Variants in PIP5K1B observed in about 807,000 individuals in gnomAD.
The protein encoded by PIP5K1B is phosphatidylinositol-4-phosphate 5-kinase type 1 beta, also known as phosphatidylinositol 4-phosphate 5-kinase type-1 beta.
PIP5K1B carries 42 observed loss-of-function variants against 67.0 expected under a neutral mutation model. That is an observed-to-expected ratio of 0.63 (90% CI 0.49 to 0.81). PIP5K1B has a LOEUF of 0.81. Ranked by LOEUF, PIP5K1B falls within the 30% of genes least tolerant of loss-of-function variation. The pLI is 0.00. For synonymous variants in PIP5K1B, 214 were observed against 231.4 expected (o/e 0.92, Z 0.68); for missense variants, 459 against 646.3 (o/e 0.71, Z 3.14).
At chr9:68,890,338 C>T (rs1289192167) in intron 7 of PIP5K1B, among the ~76,000 whole-genome samples, 1 of 152,144 alleles carries the variant, frequency 6.6e-6, no homozygotes, top group Non-Finnish European at 1.5e-5. Context: ...CATTTTCATA[C>T]CTCCAGTTTC....
intron 14 of PIP5K1B, among the ~76,000 whole-genome samples, chr9:68,962,491 T>C (rs1828805443): frequency 6.6e-6 from 1 of 152,242 alleles, no homozygotes; most frequent in African/African-American, 2.4e-5. Flanking sequence ...CCTCAAATTC[T>C]GACTGCCTCA....
intron 2 of PIP5K1B, chr9:68,780,043 G>A (rs1015351732): frequency 1.5e-6 from 2 of 1,332,098 alleles, no homozygotes; most frequent in Non-Finnish European, 9.8e-7. Flanking sequence ...CTACGCATGC[G>A]CAGAGGGGCC....
chr9:68,999,158 C>CTG (rs1243157177), intron 15 of PIP5K1B, among the ~76,000 whole-genome samples: 1 of 152,200 alleles, frequency 6.6e-6, no homozygotes, highest in Non-Finnish European at 1.5e-5. Flanking sequence ...TTCTGTGCCT[C>CTG]TGTGTGGCCT....
At chr9:69,004,337 T>TGTGTGTGTGTGTGTGTG (rs1564311765) in intron 15 of PIP5K1B, among the ~76,000 whole-genome samples, 3 of 148,266 alleles carry the variant, frequency 2.0e-5, no homozygotes, top group African/African-American at 5.0e-5. Flanking sequence ...GTGTGTGTTT[T>TGTGTGTGTGTGTGTGTG]TGTGTGTGTG....
chr9:68,946,977 T>G (rs1251768173), intron 14 of PIP5K1B, among the ~76,000 whole-genome samples: 1 of 152,222 alleles, frequency 6.6e-6, no homozygotes, highest in Non-Finnish European at 1.5e-5. Flanking sequence ...ATTTATACCT[T>G]GTGGCACATA....
At chr9:68,788,392 T>A (rs1347291508) in intron 2 of PIP5K1B, 3 of 787,768 alleles carry the variant, frequency 3.8e-6, no homozygotes, top group Non-Finnish European at 6.1e-6. Context: ...CATATCCAGA[T>A]GACCCTAAGT....
intron 6 of PIP5K1B, among the ~76,000 whole-genome samples, chr9:68,887,496 G>A (rs1261879683): frequency 6.6e-6 from 1 of 152,176 alleles, no homozygotes; most frequent in African/African-American, 2.4e-5. Context: ...GTCATTCATG[G>A]CCTTGGAAGC....
chr9:68,951,065 A>G (rs915782373), intron 14 of PIP5K1B, among the ~76,000 whole-genome samples: 8 of 152,254 alleles, frequency 5.3e-5, no homozygotes, highest in African/African-American at 1.9e-4. Flanking sequence ...GGAGGGAACT[A>G]GGAGACAATG....
intron 2 of PIP5K1B, among the ~76,000 whole-genome samples, chr9:68,809,583 G>A (rs1173268149): frequency 6.6e-6 from 1 of 152,114 alleles, no homozygotes; most frequent in Non-Finnish European, 1.5e-5. Context: ...CGGGCTACTT[G>A]CGGGCAAATT....
At chr9:68,945,635 A>G (rs1279123981) in intron 14 of PIP5K1B, among the ~76,000 whole-genome samples, 1 of 152,256 alleles carries the variant, frequency 6.6e-6, no homozygotes, top group Non-Finnish European at 1.5e-5. Flanking sequence ...TAAGCCCTTT[A>G]TACATATCAA....
chr9:68,735,651 A>G (rs148377770), intron 1 of PIP5K1B, among the ~76,000 whole-genome samples: 3 of 152,284 alleles, frequency 2.0e-5, no homozygotes, highest in Non-Finnish European at 4.4e-5. Flanking sequence ...CAGCCTCCCA[A>G]AGTGCTGGGA....
chr9:68,982,014 AAC>A (rs1397122802), intron 14 of PIP5K1B, among the ~76,000 whole-genome samples: 1 of 152,206 alleles, frequency 6.6e-6, no homozygotes, highest in African/African-American at 2.4e-5. Context: ...TGAGTAGATT[AAC>A]AGTTTCCTGT....
chr9:68,855,536 C>T (rs1822723408), intron 4 of PIP5K1B, among the ~76,000 whole-genome samples: 1 of 152,202 alleles, frequency 6.6e-6, no homozygotes, highest in South Asian at 2.1e-4. Flanking sequence ...GTTTCCTCAG[C>T]TTGGTAAAGT....
chr9:68,851,072 A>T (rs1822461474), intron 4 of PIP5K1B, among the ~76,000 whole-genome samples: 1 of 152,234 alleles, frequency 6.6e-6, no homozygotes, highest in South Asian at 2.1e-4. Flanking sequence ...TTAAGAGTAC[A>T]GTATTTTTCT....
chr9:68,720,065 A>G (rs1480425517), intron 1 of PIP5K1B, among the ~76,000 whole-genome samples: 1 of 152,232 alleles, frequency 6.6e-6, no homozygotes, highest in Non-Finnish European at 1.5e-5. Flanking sequence ...TGTTTACTAC[A>G]CTGTCTCCAG....
chr9:68,982,357 A>G (rs1829915295), intron 14 of PIP5K1B, among the ~76,000 whole-genome samples: 1 of 152,256 alleles, frequency 6.6e-6, no homozygotes, highest in Non-Finnish European at 1.5e-5. Flanking sequence ...AATGCAGTAA[A>G]AATATCAGGA....
chr9:68,888,066 C>T (rs916120971), intron 6 of PIP5K1B, among the ~76,000 whole-genome samples: 4 of 151,926 alleles, frequency 2.6e-5, no homozygotes, highest in Non-Finnish European at 4.4e-5. Flanking sequence ...GCAACCTCCA[C>T]CTCCCAGGTT....
intron 8 of PIP5K1B, among the ~76,000 whole-genome samples, chr9:68,895,513 G>A (rs774230553): frequency 2.0e-5 from 3 of 152,042 alleles, no homozygotes; most frequent in Non-Finnish European, 4.4e-5. Flanking sequence ...ATAGGGGAGG[G>A]GAGACACTTC....
chr9:68,822,036 A>G (rs1167676778), intron 3 of PIP5K1B, among the ~76,000 whole-genome samples: 1 of 152,220 alleles, frequency 6.6e-6, no homozygotes, highest in Non-Finnish European at 1.5e-5. Flanking sequence ...AAATATGACA[A>G]AATGTGAATA....
Sources: gnomAD v4.1 joint callset for allele counts (sites outside exome capture counted in the v4.1 genomes callset) on GRCh38, gnomAD v4.1.1 for gene constraint, MANE v1.5 for transcripts, NCBI Gene and HGNC (gene_info 2026-07-23, HGNC 2026-07-21) for gene names.